Variants in SDF2 observed in about 807,000 individuals in gnomAD.
The protein encoded by SDF2 is stromal cell-derived factor 2.
SDF2 carries 12 observed loss-of-function variants against 20.5 expected under a neutral mutation model. That is an observed-to-expected ratio of 0.58 (90% CI 0.37 to 0.95). The LOEUF (loss-of-function observed/expected upper bound fraction) is 0.95. SDF2 is among the 40% of genes least tolerant of loss of function. The pLI is 0.01. For synonymous variants in SDF2, 100 were observed against 101.0 expected (o/e 0.99, Z 0.06); for missense variants, 238 against 263.1 (o/e 0.90, Z 0.66).
chr17:28,650,916 C>T (rs545815141), intron 2 of SDF2, among the ~76,000 whole-genome samples: 2 of 148,068 alleles, frequency 1.4e-5, no homozygotes, highest in African/African-American at 5.0e-5. Context: ...GTAGCTAAGA[C>T]AACAGGCATA....
chr17:28,654,747 C>T (rs994476784), intron 2 of SDF2, among the ~76,000 whole-genome samples: 2 of 151,872 alleles, frequency 1.3e-5, no homozygotes, highest in South Asian at 2.1e-4. Context: ...GTCAGGAGTT[C>T]GAGACCAGCC....
chr17:28,654,904 T>C (rs1336070811), intron 2 of SDF2, among the ~76,000 whole-genome samples: 2 of 151,950 alleles, frequency 1.3e-5, no homozygotes, highest in East Asian at 1.9e-4. Flanking sequence ...TGCAATGAGC[T>C]GAGACCATGC....
At chr17:28,662,073 A>T, upstream of SDF2, 1 of 544,072 alleles carries the variant, frequency 1.8e-6, no homozygotes, top group South Asian at 2.8e-5. Context: ...CCAGGGGCTC[A>T]GTGACAGCTG....
chr17:28,654,913 G>GCCATTC (rs2071945755), intron 2 of SDF2, among the ~76,000 whole-genome samples: 1 of 152,104 alleles, frequency 6.6e-6, no homozygotes, highest in African/African-American at 2.4e-5. Flanking sequence ...CTGAGACCAT[G>GCCATTC]CCATTGCACT....
Position 28,655,487 on chromosome 17 carries a change from C to A in SDF2, c.152-4G>T. The A allele has an allele frequency of 1.3e-6, 2 of 1,579,204 alleles. No individual in the cohort carries two copies. Among genetic ancestry groups the A allele is most frequent in the Non-Finnish European group, 1.7e-6 (2 of 1,162,688 alleles). On this transcript the variant is annotated splice_region_variant and splice_polypyrimidine_tract_variant and intron_variant, in intron 1 of 2. Coordinates refer to ENST00000247020, the MANE Select transcript of SDF2 (RefSeq NM_006923.4). ...GTCACTGACTGCTGCCCACTACCTG[C>A]AGTTAAGAAAAGAAAGGCAACTCTC...
upstream of SDF2, chr17:28,661,945 G>A: frequency 1.3e-6 from 2 of 1,542,692 alleles, no homozygotes; most frequent in South Asian, 1.2e-5. Context: ...GGAAGCTAAT[G>A]GCGAAACCAC....
At chr17:28,654,871 G>A (rs1038492863) in intron 2 of SDF2, among the ~76,000 whole-genome samples, 1 of 152,176 alleles carries the variant, frequency 6.6e-6, no homozygotes, top group Non-Finnish European at 1.5e-5. Flanking sequence ...TGGGAGAACC[G>A]CTTGAACGCA....
intron 1 of SDF2, among the ~76,000 whole-genome samples, chr17:28,658,976 C>T (rs575184131): frequency 7.6e-5 from 11 of 144,862 alleles, no homozygotes; most frequent in Middle Eastern, 4.1e-3. Context: ...ACATCCCAGA[C>T]GATGGGAGGC....
rs138028274 is a variant in SDF2, at chr17:28,650,788, A to G, written c.349-1512T>C. Among the ~76,000 whole-genome samples the G allele has an allele frequency of 3.7e-3, 458 of 122,726 alleles. 4 individuals carry two copies. The highest frequency in any genetic ancestry group is 0.013 in the African/African-American group (420 of 32,192). 80.5% of individuals were successfully genotyped at this position (122,726 alleles called of 152,430 possible). On this transcript the variant is annotated intron_variant, in intron 2 of 2. Coordinates refer to ENST00000247020, the MANE Select transcript of SDF2 (RefSeq NM_006923.4). ...ACTGGACTCCAGCCTGGATGACAAGAGTGAGACTTTGTCTCAAAAAAAAAA... is the reference window on the plus strand; with the variant it reads ...ACTGGACTCCAGCCTGGATGACAAGGGTGAGACTTTGTCTCAAAAAAAAAA...
chr17:28,654,795 CA>C (rs56971516), intron 2 of SDF2, among the ~76,000 whole-genome samples: 40 of 146,252 alleles, frequency 2.7e-4, no homozygotes, highest in Non-Finnish European at 2.6e-4. Context: ...ACTAAAAATA[CA>C]AAAAAAAAAA....
At chr17:28,661,463 A>T (rs2072041180) in intron 1 of SDF2, among the ~76,000 whole-genome samples, 1 of 152,240 alleles carries the variant, frequency 6.6e-6, no homozygotes. Flanking sequence ...AATGAGGATA[A>T]CAATACTGTC....
chr17:28,649,291 A>C lies in SDF2; in HGVS notation c.349-15T>G. The C allele has an allele frequency of 6.2e-7, 1 of 1,610,426 alleles. No homozygotes were observed. Among genetic ancestry groups the C allele is most frequent in the Non-Finnish European group, 8.5e-7 (1 of 1,178,268 alleles). On this transcript the variant is annotated splice_polypyrimidine_tract_variant and intron_variant, in intron 2 of 2. Transcript: ENST00000247020. ...GCACTCACTTCCTAGAAAATACAGA[A>C]GGTAGTAACATCAGCATGGCTGACA...
intron 1 of SDF2, chr17:28,661,204 T>C (rs2072034613): frequency 4.4e-6 from 2 of 453,704 alleles, no homozygotes. Flanking sequence ...GAGGAGCAAG[T>C]GTAAGATGCA....
rs979873048 is a variant in SDF2 at position 28,655,272 on chromosome 17, C to A, written c.348+15G>T. 6 of 1,613,062 alleles carry A rather than the reference C, an allele frequency of 3.7e-6. No homozygotes were observed. In the Admixed American group the frequency reaches 1.0e-4, roughly 27 times the overall value. On this transcript the variant is annotated intron_variant, in intron 2 of 2. Transcript: ENST00000247020. Reference sequence around the variant, plus strand: ...GTAATGCAGAGCAGCAACAATCCATCGAAAGCCACCTCACCTGGTTTCCAG... The same window carrying A: ...GTAATGCAGAGCAGCAACAATCCATAGAAAGCCACCTCACCTGGTTTCCAG...
intron 1 of SDF2, among the ~76,000 whole-genome samples, chr17:28,659,111 G>A (rs1319025139): frequency 1.1e-4 from 16 of 141,482 alleles, no homozygotes; most frequent in African/African-American, 3.5e-4. Flanking sequence ...GGGCAGAGGC[G>A]CTCCTCACAT....
chr17:28,649,049 T>C lies in SDF2; in HGVS notation c.576A>G (p.Glu192=), dbSNP rs775422863. Residue 192 remains glutamate, a synonymous_variant, in exon 3 of 3, where the codon GAA becomes GAG. Transcript: ENST00000247020. ...PSQNNYWKAM[E]GIFMKPSELL... is the part of the protein sequence containing the mutation. ...ACTCACTGGGCTTCATGAAGATGCC[T>C]TCCATGGCTTTCCAGTAGTTGTTCT... The C allele has an allele frequency of 5.0e-6, 8 of 1,614,236 alleles. No homozygotes were observed. The highest frequency in any genetic ancestry group is 5.1e-6 in the Non-Finnish European group (6 of 1,180,038).
At position 28,655,299 on chromosome 17, in the gene SDF2, AAG is replaced by A. The variant is rs2071951551; in HGVS notation, c.334_335del (p.Leu112PhefsTer11). 1 of 1,614,040 alleles carries A rather than the reference AAG, an allele frequency of 6.2e-7. No homozygotes were observed. Among genetic ancestry groups the A allele is most frequent in the African/African-American group, 1.3e-5 (1 of 74,942 alleles). ...AAAGCCACCTCACCTGGTTTCCAGA[AAG>A]AGGTGAAGTGAAGTGGTGACTATGG... ...NLHSHHFTSP[L>X]SGNQEVSAFG... On this transcript the variant is annotated frameshift_variant, in exon 2 of 3. Coordinates refer to ENST00000247020, the MANE Select transcript of SDF2 (RefSeq NM_006923.4). LOFTEE classifies it high-confidence loss of function.
chr17:28,658,011 GCTC>G (rs2071981298), intron 1 of SDF2, among the ~76,000 whole-genome samples: 1 of 152,134 alleles, frequency 6.6e-6, no homozygotes. Flanking sequence ...CCAACTATCA[GCTC>G]CTTTCATGAC....
At chr17:28,659,845 C>T (rs369859566) in intron 1 of SDF2, among the ~76,000 whole-genome samples, 4 of 152,196 alleles carry the variant, frequency 2.6e-5, no homozygotes, top group Admixed American at 6.5e-5. Context: ...GGGTGGCGGC[C>T]GGGCAGAGGC....
Sources: allele counts gnomAD v4.1 joint callset (sites outside exome capture counted in the v4.1 genomes callset), GRCh38; gene constraint gnomAD v4.1.1; transcripts MANE v1.5; gene names NCBI Gene and HGNC (gene_info 2026-07-23, HGNC 2026-07-21).